The following KIF9 variants were observed in gnomAD, a reference collection of about 807,000 sequenced individuals.
KIF9 encodes the protein kinesin family member 9.
In KIF9, 68 loss-of-function variants were observed where a neutral mutation model predicts 94.8. That is an observed-to-expected ratio of 0.72 (90% CI 0.59 to 0.88). The LOEUF is 0.88. Ranked by LOEUF, KIF9 falls within the 40% of genes least tolerant of loss-of-function variation. KIF9 has a pLI of 0.00. For missense variants in KIF9, 882 were observed against 982.5 expected, an observed-to-expected ratio of 0.90 and a Z score of 1.37; for synonymous variants, 343 against 362.1, an observed-to-expected ratio of 0.95 and a Z score of 0.60.
chr3:47,245,957 AG>A, intron 13 of KIF9: 1 of 523,830 alleles, frequency 1.9e-6, no homozygotes. Context: ...AATATTCACA[AG>A]GTGAATATTC....
At chr3:47,238,910 G>A (rs935232916) in intron 17 of KIF9, among the ~76,000 whole-genome samples, 1 of 152,122 alleles carries the variant, frequency 6.6e-6, no homozygotes, top group Non-Finnish European at 1.5e-5. Flanking sequence ...TGATCTGCCC[G>A]CCTCGGCCTC....
At chr3:47,280,962 CTTG>C in intron 1 of KIF9, 1 of 703,086 alleles carries the variant, frequency 1.4e-6, no homozygotes. Context: ...TGAAATACTG[CTTG>C]TTACCATTCT....
chr3:47,243,115 G>C lies in KIF9; in HGVS notation c.1645C>G (p.Arg549Gly), dbSNP rs138545902. ...GDVKDMLSRDRETSSIEPLPS... is the reference protein window; with the variant it reads ...GDVKDMLSRDGETSSIEPLPS... ...AGGGGCTCAATGCTGGAAGTTTCCC[G>C]GTCCCGCGAAAGCATGTCTTTGACA... Residue 549 changes from arginine to glycine, a missense_variant, in exon 16 of 21, where the codon CGG becomes GGG. Arg to Gly is a moderately radical substitution (Grantham distance 125, BLOSUM62 -2). Coordinates refer to ENST00000684063, the MANE Select transcript of KIF9 (RefSeq NM_182902.4). 1 of 1,613,598 alleles carries C rather than the reference G, an allele frequency of 6.2e-7. No homozygotes were observed. Among genetic ancestry groups the C allele is most frequent in the Non-Finnish European group, 8.5e-7 (1 of 1,179,746 alleles).
At chr3:47,274,076 T>A (rs1387254352) in intron 3 of KIF9, among the ~76,000 whole-genome samples, 1 of 152,166 alleles carries the variant, frequency 6.6e-6, no homozygotes, top group Non-Finnish European at 1.5e-5. Context: ...AGGCATCAAC[T>A]TCCCCACAGA....
chr3:47,257,712 C>T (rs1235923023), intron 9 of KIF9, 152 bp from the exon 10 acceptor site: 1 of 641,112 alleles, frequency 1.6e-6, no homozygotes, highest in Non-Finnish European at 2.7e-6. Context: ...GGACATTGGT[C>T]AAAAGAGTTC....
intron 3 of KIF9, among the ~76,000 whole-genome samples, chr3:47,274,847 A>ATATTT (rs1218616532): frequency 6.6e-6 from 1 of 152,276 alleles, no homozygotes; most frequent in Non-Finnish European, 1.5e-5. Flanking sequence ...CTAAACTTGC[A>ATATTT]AAACAGGGAA....
At chr3:47,277,522 A>C (rs1576095938) in intron 1 of KIF9, 143 bp from the exon 2 acceptor site, 1 of 612,874 alleles carries the variant, frequency 1.6e-6, no homozygotes, top group East Asian at 2.8e-5. Flanking sequence ...TTTCCTTTTC[A>C]CCCCTCAGCA....
intron 17 of KIF9, chr3:47,238,256 C>T (rs1187805384): frequency 1.3e-5 from 2 of 152,146 alleles, no homozygotes; most frequent in Admixed American, 1.3e-4. Flanking sequence ...CTCACTATGT[C>T]GCCAAGGCTA....
rs139376237 is a variant in KIF9, at chr3:47,275,480, A to G, written c.104T>C (p.Ile35Thr). 4.4e-6 allele frequency: 7 copies of G among 1,604,704 alleles called. No homozygotes were observed. The South Asian group carries it at 5.6e-5, about 13-fold the overall frequency. ...RYGDDKRSID[I>T]HLKKDIRRGV... Reference sequence around the variant, plus strand: ...TCTCCGAATGTCTTTTTTTAAGTGAATATCAATGCTCTAGGAAAAAAGAGT... The same window carrying G: ...TCTCCGAATGTCTTTTTTTAAGTGAGTATCAATGCTCTAGGAAAAAAGAGT... The change falls in exon 3 of 21, where the codon ATT (isoleucine) becomes ACT (threonine). Residue 35 changes from isoleucine to threonine, a missense_variant. Transcript: ENST00000684063.
In KIF9 at chr3:47,228,753, A is replaced by G. The variant is rs113182766; in HGVS notation, c.2323-51T>C. The G allele has an allele frequency of 7.4e-6, 11 of 1,479,596 alleles. No individual in the cohort carries two copies. The African/African-American group carries it at 1.1e-4, about 15-fold the overall frequency. The allele number at this position is 1,479,596 out of a possible 1,614,324, so 91.7% of individuals were successfully genotyped here. On this transcript the variant is annotated intron_variant, in intron 20 of 20. Transcript: ENST00000684063. ...GGAACTTATTAGGAGGGACAGACAT[A>G]GCAGGGACTCAGACCAGGCCACTCA...
chr3:47,279,492 C>A (rs932802874), intron 1 of KIF9, among the ~76,000 whole-genome samples: 58 of 150,908 alleles, frequency 3.8e-4, no homozygotes, highest in African/African-American at 1.2e-3. Flanking sequence ...AAAAAAAAAT[C>A]AAAAAATCTA....
intron 10 of KIF9, among the ~76,000 whole-genome samples, chr3:47,256,224 G>A (rs1468387247): frequency 6.7e-6 from 1 of 150,216 alleles, no homozygotes; most frequent in African/African-American, 2.5e-5. Context: ...GCCGCCCATC[G>A]TCTGGGATGT....
At chr3:47,281,071 C>A in intron 1 of KIF9, 1 of 702,444 alleles carries the variant, frequency 1.4e-6, no homozygotes, top group Non-Finnish European at 2.6e-6. Context: ...TGAATCCCCT[C>A]ACAATGTCCA....
chr3:47,256,345 A>C (rs539590773), intron 10 of KIF9, among the ~76,000 whole-genome samples: 48,817 of 148,668 alleles, frequency 0.33, 7,732 homozygotes, highest in Middle Eastern at 0.46. Context: ...CCCATCTGAG[A>C]AGTGAGGAGA....
At position 47,264,364 on chromosome 3, in the gene KIF9, G is replaced by A; in HGVS notation, c.917-14C>T. ...TGCAGTTTCCCCCTGCGGAAAGCAA[G>A]ACACAGAAGGGCTATGAACCATGTG... On this transcript the variant is annotated splice_polypyrimidine_tract_variant and intron_variant, in intron 8 of 20. Transcript: ENST00000684063. The A allele has an allele frequency of 1.2e-6, 2 of 1,609,178 alleles. No individual in the cohort carries two copies. The highest frequency in any genetic ancestry group is 1.7e-6 in the Non-Finnish European group (2 of 1,175,578).
chr3:47,240,454 G>C (rs945662118), intron 17 of KIF9, among the ~76,000 whole-genome samples: 1 of 152,074 alleles, frequency 6.6e-6, no homozygotes, highest in Non-Finnish European at 1.5e-5. Context: ...AGAGACCCAC[G>C]GACCTTGTAG....
In KIF9 at chr3:47,247,467, G is replaced by A. The variant is rs752247514; in HGVS notation, c.1139C>T (p.Thr380Ile). The A allele has an allele frequency of 1.9e-6, 3 of 1,613,072 alleles. No homozygotes were observed. Among genetic ancestry groups the A allele is most frequent in the South Asian group, 1.1e-5 (1 of 91,068 alleles). The change falls in exon 12 of 21, where the codon ACC becomes ATC. Residue 380 changes from threonine to isoleucine, a missense_variant. Transcript: ENST00000684063. ...ATCCATGGGGTCATAGGTCACAAAG[G>A]TGCGGTTGGTCTTGAAGGAGGATGA... ...LAIHDSLTNR[T>I]FVTYDPMDEI...
intron 10 of KIF9, among the ~76,000 whole-genome samples, chr3:47,252,251 T>C (rs1331330422): frequency 6.6e-6 from 1 of 152,196 alleles, no homozygotes; most frequent in Non-Finnish European, 1.5e-5. Flanking sequence ...ACTCACTCAG[T>C]TGGCCAAGGC....
rs763436959 is a variant in KIF9 at position 47,266,646 on chromosome 3, AAAC to A, written c.768+327_768+329del. ...GGAGACACGGCGAGACTGTGTCTCA[AAAC>A]AACAACAACAAAAACACACACAGAG... is the stretch of plus-strand genomic sequence containing the variant. On this transcript the variant is annotated intron_variant, in intron 7 of 20. Coordinates refer to ENST00000684063, the MANE Select transcript of KIF9 (RefSeq NM_182902.4). Among the ~76,000 whole-genome samples, 19 of 152,298 alleles carry A rather than the reference AAAC, an allele frequency of 1.2e-4. No homozygotes were observed. In the East Asian group the frequency reaches 3.1e-3, roughly 25 times the overall value.
Sources: gnomAD v4.1 joint callset for allele counts (sites outside exome capture counted in the v4.1 genomes callset) on GRCh38, gnomAD v4.1.1 for gene constraint, MANE v1.5 for transcripts, NCBI Gene and HGNC (gene_info 2026-07-23, HGNC 2026-07-21) for gene names.